Variants in THRB observed in about 807,000 individuals in gnomAD.
THRB encodes the protein nuclear receptor subfamily 1 group A member 2.
A neutral mutation model predicts 47.8 loss-of-function variants in THRB; 12 were observed. The ratio of observed to expected loss-of-function variants is 0.25; its 90% confidence interval spans 0.16 to 0.41. THRB has a LOEUF of 0.41. THRB is among the 10% of genes least tolerant of loss of function. The pLI, the probability that THRB is intolerant of heterozygous loss-of-function variation, is 1.00. For missense variants in THRB, 348 were observed against 589.2 expected, an observed-to-expected ratio of 0.59 and a Z score of 4.24; for synonymous variants, 218 against 212.2, an observed-to-expected ratio of 1.03 and a Z score of -0.24.
chr3:24,208,827 G>T (rs558968258), intron 4 of THRB, among the ~76,000 whole-genome samples: 17,441 of 152,014 alleles, frequency 0.11, 1,334 homozygotes, highest in Non-Finnish European at 0.17. Context: ...AGCAACAAAA[G>T]CCAAAATTGA....
At chr3:24,338,324 AC>A in intron 1 of THRB, among the ~76,000 whole-genome samples, 1 of 152,228 alleles carries the variant, frequency 6.6e-6, no homozygotes, top group Non-Finnish European at 1.5e-5. Context: ...ATCTTTCAAG[AC>A]CACTATTTTT....
At chr3:24,484,721 A>G (rs151028328) in intron 1 of THRB, among the ~76,000 whole-genome samples, 124 of 152,296 alleles carry the variant, frequency 8.1e-4, no homozygotes, top group African/African-American at 2.3e-3. Context: ...CTGTTTTTGT[A>G]CTACAATGGC....
intron 1 of THRB, among the ~76,000 whole-genome samples, chr3:24,448,209 G>T (rs982718201): frequency 6.6e-6 from 1 of 151,964 alleles, no homozygotes; most frequent in African/African-American, 2.4e-5. Context: ...TTTCACTGGC[G>T]ATTTATCATT....
chr3:24,193,094 A>T (rs2043545960), intron 4 of THRB, among the ~76,000 whole-genome samples: 1 of 152,138 alleles, frequency 6.6e-6, no homozygotes, highest in Non-Finnish European at 1.5e-5. Flanking sequence ...TACCTACTGG[A>T]TATACTGTTG....
At chr3:24,206,266 G>C (rs2045338483) in intron 4 of THRB, among the ~76,000 whole-genome samples, 1 of 152,148 alleles carries the variant, frequency 6.6e-6, no homozygotes, top group Non-Finnish European at 1.5e-5. Context: ...GCACTCCTCA[G>C]CAAATGTAAA....
chr3:24,427,815 T>C (rs2069918253), intron 1 of THRB, among the ~76,000 whole-genome samples: 1 of 152,068 alleles, frequency 6.6e-6, no homozygotes, highest in South Asian at 2.1e-4. Context: ...TGAATCATAG[T>C]ATCACAGTAT....
chr3:24,278,934 T>C lies in THRB; in HGVS notation c.-43+18292A>G, dbSNP rs1052760412. Among the ~76,000 whole-genome samples the C allele has an allele frequency of 4.0e-5, 6 of 151,526 alleles. 1 individual carries two copies. Among genetic ancestry groups the C allele is most frequent in the African/African-American group, 1.2e-4 (5 of 40,820 alleles). ...ATGTTAGCTCACTGCAGCCTTGAAC[T>C]CCTGGGATCAAGTGATCCTTCCCCC... On this transcript the variant is annotated intron_variant, in intron 3 of 10. Coordinates refer to ENST00000646209, the MANE Select transcript of THRB (RefSeq NM_001354712.2).
intron 1 of THRB, among the ~76,000 whole-genome samples, chr3:24,375,069 GT>G (rs568228199): frequency 8.6e-5 from 13 of 151,352 alleles, no homozygotes; most frequent in Non-Finnish European, 1.3e-4. Flanking sequence ...CTTTGGCACA[GT>G]TTTTTTTCAT....
intron 5 of THRB, among the ~76,000 whole-genome samples, chr3:24,162,661 T>C (rs916731578): frequency 1.4e-5 from 2 of 139,252 alleles, no homozygotes; most frequent in South Asian, 2.3e-4. Flanking sequence ...CAGAACTTGA[T>C]AACTTATTCT....
chr3:24,270,385 TG>T (rs1205134605), intron 3 of THRB, among the ~76,000 whole-genome samples: 1 of 152,210 alleles, frequency 6.6e-6, no homozygotes, highest in African/African-American at 2.4e-5. Flanking sequence ...GAAAAACATG[TG>T]TCAGGTCAGA....
intron 4 of THRB, among the ~76,000 whole-genome samples, chr3:24,197,390 C>G (rs965309783): frequency 6.6e-6 from 1 of 152,204 alleles, no homozygotes; most frequent in African/African-American, 2.4e-5. Flanking sequence ...CATATATTAG[C>G]TGTGGTTTGG....
chr3:24,131,314 C>A (rs937546945), intron 9 of THRB, among the ~76,000 whole-genome samples: 6 of 152,118 alleles, frequency 3.9e-5, no homozygotes, highest in African/African-American at 1.4e-4. Context: ...TATAAATAAA[C>A]CTTCAATGAA....
At chr3:24,305,791 A>C (rs536520556) in intron 2 of THRB, among the ~76,000 whole-genome samples, 1 of 152,290 alleles carries the variant, frequency 6.6e-6, no homozygotes, top group East Asian at 1.9e-4. Flanking sequence ...TGAGGACAGA[A>C]AGGTTCAGAA....
At position 24,180,341 on chromosome 3, in the gene THRB, C is replaced by G. The variant is rs1419931277; in HGVS notation, c.283+9733G>C. On this transcript the variant is annotated intron_variant, in intron 5 of 10. Coordinates refer to ENST00000646209, the MANE Select transcript of THRB (RefSeq NM_001354712.2). ...AATATTGCAGTCTAGACTAATAAACCATCAACCCACACATGATATTCTGAC... is the reference window on the plus strand; with the variant it reads ...AATATTGCAGTCTAGACTAATAAACGATCAACCCACACATGATATTCTGAC... 2.0e-5 allele frequency among the ~76,000 whole-genome samples: 3 copies of G among 152,174 alleles called. No homozygotes were observed. The East Asian group carries it at 5.8e-4, about 29-fold the overall frequency.
intron 5 of THRB, among the ~76,000 whole-genome samples, chr3:24,188,880 T>TATATATATATATATATATATATATATAG (rs2042972745): frequency 7.0e-6 from 1 of 143,074 alleles, no homozygotes; most frequent in African/African-American, 2.7e-5. Context: ...TATATATATA[T>TATATATATATATATATATATATATATAG]ATATGAGAGA....
At chr3:24,213,543 G>A (rs2149891250) in intron 4 of THRB, among the ~76,000 whole-genome samples, 1 of 152,246 alleles carries the variant, frequency 6.6e-6, no homozygotes, top group East Asian at 1.9e-4. Flanking sequence ...ACCACATATA[G>A]AAGGATCTTC....
intron 1 of THRB, among the ~76,000 whole-genome samples, chr3:24,492,969 A>G (rs1698397911): frequency 1.3e-5 from 2 of 152,262 alleles, no homozygotes; most frequent in South Asian, 4.1e-4. Flanking sequence ...CACTTCCAAT[A>G]TATAATAAAC....
intron 1 of THRB, among the ~76,000 whole-genome samples, chr3:24,475,487 G>A (rs372658942): frequency 6.6e-6 from 1 of 152,108 alleles, no homozygotes; most frequent in East Asian, 1.9e-4. Context: ...ATTTGTGTAT[G>A]TGTGTATATA....
At chr3:24,306,289 G>A (rs569966092) in intron 2 of THRB, among the ~76,000 whole-genome samples, 34 of 152,264 alleles carry the variant, frequency 2.2e-4, no homozygotes, top group Non-Finnish European at 4.4e-4. Context: ...CCAGGCCTGC[G>A]CTGGAAAGCT....
Sources: allele counts gnomAD v4.1 joint callset (sites outside exome capture counted in the v4.1 genomes callset), GRCh38; gene constraint gnomAD v4.1.1; transcripts MANE v1.5; gene names NCBI Gene and HGNC (gene_info 2026-07-23, HGNC 2026-07-21).